ZNF704: variants seen among roughly 807,000 people sequenced by gnomAD.
The protein encoded by ZNF704 is glucocorticoid induced gene 1.
Under a neutral mutation model 44.7 loss-of-function variants are expected in ZNF704, and 10 were observed. The ratio of observed to expected loss-of-function variants is 0.22; its 90% CI spans 0.14 to 0.38. The LOEUF is 0.38. Ranked by LOEUF, ZNF704 falls within the 10% of genes least tolerant of loss-of-function variation. The probability of loss-of-function intolerance (pLI) is 1.00; values close to 1 mark genes in which losing one functional copy is unlikely to be tolerated. For synonymous variants in ZNF704, 211 were observed against 207.6 expected, an observed-to-expected ratio of 1.02 and a Z score of -0.14; for missense variants, 390 against 545.5, an observed-to-expected ratio of 0.71 and a Z score of 2.84.
chr8:80,684,677 A>C (rs1311644158), intron 4 of ZNF704, among the ~76,000 whole-genome samples: 1 of 152,212 alleles, frequency 6.6e-6, no homozygotes, highest in African/African-American at 2.4e-5. Flanking sequence ...TATTACAGTT[A>C]CTGTGTTCTG....
At chr8:80,827,198 CCTT>C (rs1276644724) in intron 1 of ZNF704, among the ~76,000 whole-genome samples, 5 of 152,308 alleles carry the variant, frequency 3.3e-5, no homozygotes, top group African/African-American at 9.6e-5. Flanking sequence ...CCCAAAATCT[CCTT>C]AAGCTGATAA....
chr8:80,687,167 G>C, intron 4 of ZNF704, 59 bp downstream of exon 4: 1 of 1,487,390 alleles, frequency 6.7e-7, no homozygotes, highest in South Asian at 1.2e-5. Flanking sequence ...GCCCTTCAGA[G>C]GGGACAGAAA....
chr8:80,663,213 C>A (rs986296758), intron 6 of ZNF704, among the ~76,000 whole-genome samples: 1 of 151,882 alleles, frequency 6.6e-6, no homozygotes, highest in African/African-American at 2.4e-5. Context: ...GAGCTCGTCT[C>A]TACAAAAAAT....
At chr8:80,776,773 T>G (rs1273332283) in intron 2 of ZNF704, 1 of 152,222 alleles carries the variant, frequency 6.6e-6, no homozygotes, top group Non-Finnish European at 1.5e-5. Context: ...TTTCAACTTG[T>G]GCCATTTCAC....
chr8:80,840,288 T>C (rs937658286), intron 1 of ZNF704, among the ~76,000 whole-genome samples: 4 of 152,176 alleles, frequency 2.6e-5, no homozygotes, highest in African/African-American at 9.7e-5. Flanking sequence ...TCATAAACTT[T>C]CTTAAAACAT....
chr8:80,825,949 C>T (rs1184497938), intron 1 of ZNF704, among the ~76,000 whole-genome samples: 2 of 152,142 alleles, frequency 1.3e-5, no homozygotes, highest in Non-Finnish European at 2.9e-5. Flanking sequence ...AAATTTATTG[C>T]ACTAAATGCC....
At chr8:80,763,401 C>T (rs571307287) in intron 2 of ZNF704, among the ~76,000 whole-genome samples, 277 of 152,346 alleles carry the variant, frequency 1.8e-3, no homozygotes, top group African/African-American at 6.3e-3. Flanking sequence ...TTCTGTGCAC[C>T]TGCAGGCTCA....
chr8:80,697,804 G>A (rs1287625198), intron 2 of ZNF704, among the ~76,000 whole-genome samples: 1 of 152,198 alleles, frequency 6.6e-6, no homozygotes, highest in Non-Finnish European at 1.5e-5. Context: ...CGTGAGGGAG[G>A]AGAGCATTAG....
the ZNF704 span, among the ~76,000 whole-genome samples, chr8:80,879,915 C>A: frequency 1.3e-5 from 2 of 152,092 alleles, no homozygotes; most frequent in Non-Finnish European, 2.9e-5. Context: ...ATCCTACTCA[C>A]ACTAAAGAAA....
chr8:80,699,610 G>GAAA (rs1818778304), intron 2 of ZNF704, among the ~76,000 whole-genome samples: 2 of 152,170 alleles, frequency 1.3e-5, no homozygotes, highest in East Asian at 3.9e-4. Flanking sequence ...AAAAACTATG[G>GAAA]CCTGTGGAAA....
At chr8:80,796,750 C>T (rs971617708) in intron 2 of ZNF704, among the ~76,000 whole-genome samples, 1 of 151,912 alleles carries the variant, frequency 6.6e-6, no homozygotes, top group African/African-American at 2.4e-5. Flanking sequence ...AATCCCAGCA[C>T]ACTGGAAGGC....
intron 2 of ZNF704, among the ~76,000 whole-genome samples, chr8:80,730,736 C>G (rs1274278756): frequency 6.6e-6 from 1 of 151,926 alleles, no homozygotes; most frequent in Non-Finnish European, 1.5e-5. Flanking sequence ...TACTTCTAAA[C>G]TTTGCCCTGG....
chr8:80,727,022 T>A (rs576591491), intron 2 of ZNF704, among the ~76,000 whole-genome samples: 1 of 152,340 alleles, frequency 6.6e-6, no homozygotes, highest in East Asian at 1.9e-4. Flanking sequence ...TAGGATTGAT[T>A]ATTATCCCCA....
chr8:80,808,636 T>G (rs1808030867), intron 2 of ZNF704, among the ~76,000 whole-genome samples: 1 of 152,142 alleles, frequency 6.6e-6, no homozygotes, highest in African/African-American at 2.4e-5. Flanking sequence ...TACAATTCTA[T>G]GCTCCTCATG....
At chr8:80,669,553 A>T (rs1290304898) in intron 5 of ZNF704, among the ~76,000 whole-genome samples, 1 of 152,190 alleles carries the variant, frequency 6.6e-6, no homozygotes, top group Non-Finnish European at 1.5e-5. Flanking sequence ...ATTACCTTAG[A>T]AGCTATTTTC....
rs1221340563 is a variant in ZNF704, at chr8:80,631,938, GAAA to G, written c.*9425_*9427del. On this transcript the variant is annotated 3_prime_UTR_variant, in exon 9 of 9. Transcript: ENST00000327835. ...ATGTCCCATCAGGGGCTTTGGAACT[GAAA>G]AAACATTAACAACAGCCTGGCCTCT... 6.6e-6 allele frequency: 1 copy of G among 152,150 alleles called. No individual in the cohort carries two copies. The highest frequency in any genetic ancestry group is 2.1e-4 in the South Asian group (1 of 4,832). 9.4% of individuals were successfully genotyped at this position (152,150 alleles called of 1,614,324 possible).
intron 1 of ZNF704, among the ~76,000 whole-genome samples, chr8:80,853,126 G>A (rs1386327775): frequency 6.6e-6 from 1 of 152,148 alleles, no homozygotes; most frequent in African/African-American, 2.4e-5. Context: ...AACACGTTGG[G>A]AAGCTGAGGC....
intron 2 of ZNF704, among the ~76,000 whole-genome samples, chr8:80,801,824 A>C (rs1807904824): frequency 6.6e-6 from 1 of 152,190 alleles, no homozygotes; most frequent in African/African-American, 2.4e-5. Flanking sequence ...AACCAAGATC[A>C]GAGTTGAACT....
intron 4 of ZNF704, among the ~76,000 whole-genome samples, 200 bp from the exon 5 acceptor site, chr8:80,670,803 A>G (rs1818266266): frequency 6.6e-6 from 1 of 152,190 alleles, no homozygotes. Flanking sequence ...ATATCCTTCA[A>G]GAGAAATGGG....
Sources: gnomAD v4.1 joint callset for allele counts (sites outside exome capture counted in the v4.1 genomes callset) on GRCh38, gnomAD v4.1.1 for gene constraint, MANE v1.5 for transcripts, NCBI Gene and HGNC (gene_info 2026-07-23, HGNC 2026-07-21) for gene names.